The following EIF3H variants were observed in gnomAD, a reference collection of about 807,000 sequenced individuals.
EIF3H encodes the protein eukaryotic translation initiation factor 3 subunit H, also known as eIF-3-gamma.
A neutral mutation model predicts 44.2 loss-of-function variants in EIF3H; 26 were observed. The ratio of observed to expected loss-of-function variants is 0.59; its 90% CI spans 0.43 to 0.82. EIF3H has a LOEUF of 0.82. Ranked by LOEUF, EIF3H falls within the 40% of genes least tolerant of loss-of-function variation. EIF3H has a pLI of 0.00. For synonymous variants in EIF3H, 166 were observed against 151.9 expected (o/e 1.09, Z -0.68); for missense variants, 359 against 432.8 (o/e 0.83, Z 1.51).
chr8:116,704,902 T>C (rs574915047), intron 2 of EIF3H, among the ~76,000 whole-genome samples: 1 of 152,212 alleles, frequency 6.6e-6, no homozygotes, highest in Admixed American at 6.5e-5. Context: ...ACGTTGACAG[T>C]GTACTCTGTG....
intron 1 of EIF3H, among the ~76,000 whole-genome samples, chr8:116,748,314 AAAAATTTAACCAAACAACAC>A (rs949079576): frequency 2.6e-5 from 4 of 152,230 alleles, no homozygotes; most frequent in East Asian, 1.9e-4. Context: ...AAATTTAACA[AAAAATTTAACCAAACAACAC>A]AAAATTTAAC....
chr8:116,705,921 C>T lies in EIF3H; in HGVS notation c.289+20095G>A, dbSNP rs1017127649. Among the ~76,000 whole-genome samples the T allele has an allele frequency of 6.0e-5, 9 of 150,472 alleles. 1 individual carries two copies. In the South Asian group the frequency reaches 1.9e-3, roughly 32 times the overall value. ...ACTCTGTACTATCTTTGCAACGTTT[C>T]AGTAAAATCTAAAATTATTCCAAAA... On this transcript the variant is annotated intron_variant, in intron 2 of 7. Transcript: ENST00000521861.
At chr8:116,696,496 A>G (rs1017411870) in intron 2 of EIF3H, among the ~76,000 whole-genome samples, 1 of 152,224 alleles carries the variant, frequency 6.6e-6, no homozygotes, top group Admixed American at 6.5e-5. Flanking sequence ...TTCTTTCCTG[A>G]GACTATTTAA....
intron 2 of EIF3H, among the ~76,000 whole-genome samples, chr8:116,710,118 T>C (rs1055863933): frequency 6.6e-6 from 1 of 152,160 alleles, no homozygotes; most frequent in South Asian, 2.1e-4. Flanking sequence ...TCACGGCAGA[T>C]TGGAAGCACT....
intron 2 of EIF3H, among the ~76,000 whole-genome samples, chr8:116,661,695 G>A (rs1320687371): frequency 1.3e-5 from 2 of 152,174 alleles, no homozygotes; most frequent in African/African-American, 4.8e-5. Flanking sequence ...ATCTTGCTAA[G>A]TCTGTCCTCA....
intron 2 of EIF3H, among the ~76,000 whole-genome samples, chr8:116,680,048 G>A (rs1425930683): frequency 3.2e-5 from 1 of 31,216 alleles, no homozygotes; most frequent in Admixed American, 2.1e-4. Flanking sequence ...GGGGGGGGTC[G>A]GCCAGCCGCC....
chr8:116,724,109 G>C (rs549707917), intron 2 of EIF3H, among the ~76,000 whole-genome samples: 1 of 152,264 alleles, frequency 6.6e-6, no homozygotes, highest in South Asian at 2.1e-4. Flanking sequence ...CAGACATACA[G>C]ACCAGTGGAA....
At chr8:116,665,663 G>A (rs985722532) in intron 2 of EIF3H, among the ~76,000 whole-genome samples, 2 of 152,182 alleles carry the variant, frequency 1.3e-5, no homozygotes, top group African/African-American at 4.8e-5. Context: ...ACCAAAGTAG[G>A]ACTTTTAAGA....
intron 2 of EIF3H, among the ~76,000 whole-genome samples, chr8:116,659,924 T>C (rs1043674089): frequency 6.6e-6 from 1 of 152,198 alleles, no homozygotes; most frequent in African/African-American, 2.4e-5. Context: ...TTCACTCCCA[T>C]TGCCCAGGCT....
At chr8:116,669,424 C>T (rs12546186) in intron 2 of EIF3H, among the ~76,000 whole-genome samples, 83,155 of 152,018 alleles carry the variant, frequency 0.55, 24,673 homozygotes, top group Non-Finnish European at 0.67. Context: ...AAAAGGAAAA[C>T]ACTGAGAAGA....
At chr8:116,743,796 ATAAACACAC>A (rs1563659918) in intron 1 of EIF3H, among the ~76,000 whole-genome samples, 13,266 of 98,136 alleles carry the variant, frequency 0.14, 1,016 homozygotes, top group East Asian at 0.39. Flanking sequence ...ATATATATAT[ATAAACACAC>A]ACACACACAC....
chr8:116,721,060 T>C (rs983493572), intron 2 of EIF3H, among the ~76,000 whole-genome samples: 1 of 152,006 alleles, frequency 6.6e-6, no homozygotes, highest in African/African-American at 2.4e-5. Context: ...GGGAAAAATG[T>C]CTCCAGGGCA....
Position 116,742,019 on chromosome 8 carries a change from T to C in EIF3H, c.132+13647A>G, listed in dbSNP as rs187128903. ...CCATTTCATAACTGGCTGAGTCAAA[T>C]AATAAACGGGATTTAAATCACTGCT... On this transcript the variant is annotated intron_variant, in intron 1 of 7. Coordinates refer to ENST00000521861, the MANE Select transcript of EIF3H (RefSeq NM_003756.3). Among the ~76,000 whole-genome samples the C allele has an allele frequency of 1.4e-3, 216 of 151,044 alleles. 1 individual carries two copies. Among genetic ancestry groups the C allele is most frequent in the Middle Eastern group, 6.8e-3 (2 of 292 alleles).
intron 2 of EIF3H, among the ~76,000 whole-genome samples, chr8:116,710,962 T>A (rs1814564366): frequency 6.6e-6 from 1 of 152,246 alleles, no homozygotes; most frequent in Non-Finnish European, 1.5e-5. Context: ...CTGTTATGCC[T>A]ATCTGAAAGT....
intron 2 of EIF3H, among the ~76,000 whole-genome samples, chr8:116,692,578 A>T (rs1043816646): frequency 1.3e-5 from 2 of 152,190 alleles, no homozygotes; most frequent in Non-Finnish European, 2.9e-5. Flanking sequence ...AATGACTGAG[A>T]CTTACTTAAT....
At chr8:116,689,009 ACAG>A (rs1297653505) in intron 2 of EIF3H, 1 of 395,088 alleles carries the variant, frequency 2.5e-6, no homozygotes, top group African/African-American at 2.1e-5. Flanking sequence ...ACACAGATTT[ACAG>A]CAGCATTATT....
In EIF3H at chr8:116,755,647, G is replaced by GA. The variant is rs750507534; in HGVS notation, c.132+18dup. 6.2e-7 allele frequency: 1 copy of GA among 1,613,634 alleles called. No homozygotes were observed. The highest frequency in any genetic ancestry group is 1.3e-5 in the African/African-American group (1 of 74,924). ...ACTGCGCTCCCCACGTGGGCCAGAG[G>GA]AAAAAGAACAGCACTCACAAGGCCA... is the stretch of plus-strand genomic sequence containing the variant. On this transcript the variant is annotated intron_variant, in intron 1 of 7. Transcript: ENST00000521861.
chr8:116,737,989 C>T (rs1055940389), intron 1 of EIF3H, among the ~76,000 whole-genome samples: 1 of 147,840 alleles, frequency 6.8e-6, no homozygotes, highest in Non-Finnish European at 1.5e-5. Context: ...GAGCCGAGAT[C>T]GCACTATTGC....
At chr8:116,685,545 C>G (rs77511092) in intron 2 of EIF3H, among the ~76,000 whole-genome samples, 155 of 152,272 alleles carry the variant, frequency 1.0e-3, no homozygotes, top group African/African-American at 3.5e-3. Context: ...AGGCATTCAT[C>G]AAGACAGGAT....
Sources: gnomAD v4.1 joint callset for allele counts (sites outside exome capture counted in the v4.1 genomes callset) on GRCh38, gnomAD v4.1.1 for gene constraint, MANE v1.5 for transcripts, NCBI Gene and HGNC (gene_info 2026-07-23, HGNC 2026-07-21) for gene names.